ANKRD17: variants seen among roughly 807,000 people sequenced by gnomAD.
The protein encoded by ANKRD17 is ankyrin repeat domain 17.
ANKRD17 carries 19 observed loss-of-function variants against 229.7 expected under a neutral mutation model. The observed-to-expected ratio is 0.08, with a 90% CI of 0.06 to 0.12. The LOEUF is 0.12. Ranked by LOEUF, ANKRD17 falls within the 10% of genes least tolerant of loss-of-function variation. The pLI is 1.00. For missense variants in ANKRD17, 2,176 were observed against 3,176.8 expected (o/e 0.68, Z 7.57); for synonymous variants, 1,112 against 1,146.1 (o/e 0.97, Z 0.60).
intron 16 of ANKRD17, among the ~76,000 whole-genome samples, chr4:73,132,288 T>C (rs1409428602): frequency 1.3e-5 from 2 of 152,070 alleles, no homozygotes; most frequent in East Asian, 3.9e-4. Flanking sequence ...TTTGTATTTT[T>C]AGTAGAGACA....
Position 73,077,454 on chromosome 4 carries a change from T to A in ANKRD17, c.7488A>T (p.Gln2496His), listed in dbSNP as rs774310869. 1.2e-6 allele frequency: 2 copies of A among 1,613,882 alleles called. No individual in the cohort carries two copies. Among genetic ancestry groups the A allele is most frequent in the Non-Finnish European group, 1.7e-6 (2 of 1,179,864 alleles). ...RPMSDPGVFS[Q>H]HQAMERDSTG... is the part of the protein sequence containing the mutation. ...TACTATCTCGCTCCATTGCTTGATG[T>A]TGTGAAAATACTCCTGGGTCAGACA... The change falls in exon 32 of 34, where the codon CAA becomes CAT. Residue 2496 changes from glutamine (Q) to histidine (H), a missense_variant. This residue lies in a region of ANKRD17 where 159 missense variants were observed against 214.3 expected (regional missense o/e 0.74). Transcript: ENST00000358602.
chr4:73,091,501 G>A lies in ANKRD17; in HGVS notation c.6127C>T (p.Pro2043Ser). ...TAKEHYPVSS[P>S]SSPSPPAQPG... The stretch of plus-strand genomic sequence containing the variant: ...TGGGCTGGTGGTGATGGGGAAGATG[G>A]GGATGATACTGGATAGTGTTCTTTG... Residue 2043 changes from proline to serine, a missense_variant, in exon 29 of 34, where the codon CCA becomes TCA. This residue lies in a region of ANKRD17 where 424 missense variants were observed against 454.0 expected (regional missense o/e 0.93). Transcript: ENST00000358602. 1.9e-6 allele frequency: 3 copies of A among 1,614,158 alleles called. No homozygotes were observed. Among genetic ancestry groups the A allele is most frequent in the Non-Finnish European group, 2.5e-6 (3 of 1,180,022 alleles).
At position 73,077,327 on chromosome 4, in the gene ANKRD17, A is replaced by G. The variant is rs573284000; in HGVS notation, c.7587+28T>C. Reference sequence around the variant, plus strand: ...CATTTTCTCAGAAAATCCTCCCTTAAATAACTAGTACAAAATCAGGACTTT... The same window carrying G: ...CATTTTCTCAGAAAATCCTCCCTTAGATAACTAGTACAAAATCAGGACTTT... On this transcript the variant is annotated intron_variant, in intron 32 of 33. Transcript: ENST00000358602. The G allele has an allele frequency of 7.7e-6, 12 of 1,568,556 alleles. No homozygotes were observed. In the African/African-American group the frequency reaches 1.5e-4, roughly 20 times the overall value.
chr4:73,116,236 T>A (rs1725937562), intron 22 of ANKRD17, among the ~76,000 whole-genome samples: 1 of 152,162 alleles, frequency 6.6e-6, no homozygotes, highest in South Asian at 2.1e-4. Flanking sequence ...TGGGGATTCT[T>A]ATTTTTTTCT....
chr4:73,122,634 C>A (rs1726896432), intron 18 of ANKRD17, among the ~76,000 whole-genome samples: 1 of 152,046 alleles, frequency 6.6e-6, no homozygotes, highest in Non-Finnish European at 1.5e-5. Flanking sequence ...CTTACCCCTG[C>A]TCTTACTATT....
At chr4:73,251,289 A>C (rs531750878) in intron 1 of ANKRD17, among the ~76,000 whole-genome samples, 1 of 152,324 alleles carries the variant, frequency 6.6e-6, no homozygotes, top group East Asian at 1.9e-4. Flanking sequence ...CAAATTATAA[A>C]TCATTATAAA....
intron 2 of ANKRD17, among the ~76,000 whole-genome samples, chr4:73,170,537 G>GT (rs1733846920): frequency 2.0e-5 from 3 of 151,788 alleles, no homozygotes; most frequent in South Asian, 2.1e-4. Context: ...GTTGGGGTCG[G>GT]GGGGCGGGGG....
chr4:73,227,305 C>G (rs1003063404), intron 1 of ANKRD17, among the ~76,000 whole-genome samples: 7 of 152,098 alleles, frequency 4.6e-5, no homozygotes, highest in Admixed American at 3.9e-4. Flanking sequence ...AGGCGCCCAC[C>G]ACCACGCCTG....
chr4:73,194,688 A>T (rs932095903), intron 1 of ANKRD17, among the ~76,000 whole-genome samples: 3 of 152,178 alleles, frequency 2.0e-5, no homozygotes, highest in Non-Finnish European at 4.4e-5. Context: ...ACATTGTAGT[A>T]TATATCATAT....
intron 5 of ANKRD17, among the ~76,000 whole-genome samples, chr4:73,155,258 G>T (rs1731516009): frequency 1.3e-5 from 2 of 152,008 alleles, no homozygotes; most frequent in Admixed American, 1.3e-4. Context: ...AGGAAACAAT[G>T]AACTATCCTT....
At chr4:73,192,480 A>G (rs1737260104) in intron 1 of ANKRD17, among the ~76,000 whole-genome samples, 1 of 152,126 alleles carries the variant, frequency 6.6e-6, no homozygotes, top group South Asian at 2.1e-4. Flanking sequence ...AGTTATTAAC[A>G]GTGGTAATCA....
chr4:73,179,490 A>ATG, intron 1 of ANKRD17, among the ~76,000 whole-genome samples: 1 of 49,786 alleles, frequency 2.0e-5, no homozygotes, highest in African/African-American at 7.5e-5. Context: ...GTGTGTGTGT[A>ATG]TATATATATA....
intron 28 of ANKRD17, among the ~76,000 whole-genome samples, chr4:73,092,954 A>C (rs1369111525): frequency 6.6e-6 from 1 of 152,176 alleles, no homozygotes; most frequent in Non-Finnish European, 1.5e-5. Flanking sequence ...AATATTTGAT[A>C]TTTATGGAAA....
intron 14 of ANKRD17, among the ~76,000 whole-genome samples, chr4:73,140,632 C>T (rs1463159297): frequency 6.6e-6 from 1 of 152,072 alleles, no homozygotes; most frequent in Non-Finnish European, 1.5e-5. Flanking sequence ...TGTTAAAACT[C>T]ATCATAAGAA....
chr4:73,074,719 T>G lies in ANKRD17; in HGVS notation c.*1512A>C, dbSNP rs1720896735. The G allele has an allele frequency of 6.6e-6, 1 of 152,322 alleles. No individual in the cohort carries two copies. Among genetic ancestry groups the G allele is most frequent in the Non-Finnish European group, 1.5e-5 (1 of 67,854 alleles). 9.4% of individuals were successfully genotyped at this position (152,322 alleles called of 1,614,324 possible). A position where few individuals can be genotyped will look rare whatever the true frequency, so the allele number is the denominator to read the frequency against. On this transcript the variant is annotated 3_prime_UTR_variant, in exon 34 of 34. Transcript: ENST00000358602. ...TCTAGGTGATTTATATGAATTTTAG[T>G]TAGTTTTTATGTTTTACCAGTGTGA...
chr4:73,147,413 C>T lies in ANKRD17; in HGVS notation c.1587G>A (p.Gln529=). 1 of 1,578,416 alleles carries T rather than the reference C, an allele frequency of 6.3e-7. No homozygotes were observed. The change falls in exon 9 of 34, where the codon CAG becomes CAA. Residue 529 remains glutamine, a synonymous_variant. Transcript: ENST00000358602. ...AGGCAGTTTCTTGAGTTTCTTCTGT[C>T]TGTGCATTGATATTTGCTCCTAAAA... ...LLGQGANINA[Q]TEETQETALT...
At chr4:73,241,481 C>G (rs1164688065) in intron 1 of ANKRD17, among the ~76,000 whole-genome samples, 2 of 151,972 alleles carry the variant, frequency 1.3e-5, no homozygotes, top group Non-Finnish European at 2.9e-5. Context: ...AGTATATTAA[C>G]TAACTAGTAA....
At chr4:73,239,430 T>C (rs1393469187) in intron 1 of ANKRD17, among the ~76,000 whole-genome samples, 1 of 152,194 alleles carries the variant, frequency 6.6e-6, no homozygotes, top group Non-Finnish European at 1.5e-5. Context: ...TCCTGATACC[T>C]GACAAGGGAA....
At chr4:73,197,596 G>A (rs539709030) in intron 1 of ANKRD17, among the ~76,000 whole-genome samples, 1 of 152,312 alleles carries the variant, frequency 6.6e-6, no homozygotes, top group South Asian at 2.1e-4. Flanking sequence ...TTGGGAAGCT[G>A]AGGTGGAAGG....
Sources: allele counts gnomAD v4.1 joint callset (sites outside exome capture counted in the v4.1 genomes callset), GRCh38; gene constraint gnomAD v4.1.1; regional missense constraint gnomAD v4.1.1; transcripts MANE v1.5; gene names NCBI Gene and HGNC (gene_info 2026-07-23, HGNC 2026-07-21).